Variants in ANK2 observed in about 807,000 individuals in gnomAD.
ANK2 encodes the protein ankyrin 2, also known as ankyrin-2.
A neutral mutation model predicts 360.5 loss-of-function variants in ANK2; 83 were observed. The observed-to-expected ratio is 0.23, with a 90% CI of 0.19 to 0.28. The LOEUF is 0.28. Among genes scored for constraint, ANK2 ranks in the 10% least tolerant of loss-of-function variants. ANK2 has a pLI of 1.00. For synonymous variants in ANK2, 1,740 were observed against 1,759.5 expected (o/e 0.99, Z 0.28); for missense variants, 4,201 against 4,795.7 (o/e 0.88, Z 3.66).
chr4:112,837,345 T>C (rs2149755408), intron 1 of ANK2, among the ~76,000 whole-genome samples: 1 of 152,372 alleles, frequency 6.6e-6, no homozygotes, highest in East Asian at 1.9e-4. Flanking sequence ...TGGAAATGCC[T>C]GGAAGTCCAC....
the ANK2 span, among the ~76,000 whole-genome samples, chr4:112,721,947 C>T: frequency 2.6e-5 from 4 of 152,140 alleles, no homozygotes; most frequent in Non-Finnish European, 4.4e-5. Flanking sequence ...AGGTAATTTG[C>T]ATATCTCACA....
At position 113,382,244 on chromosome 4, in the gene ANK2, A is replaced by T. The variant is rs779062726; in HGVS notation, c.*773A>T. The T allele has an allele frequency of 6.3e-6, 1 of 158,744 alleles. No homozygotes were observed. Among genetic ancestry groups the T allele is most frequent in the Non-Finnish European group, 1.4e-5 (1 of 71,216 alleles). 9.8% of individuals were successfully genotyped at this position (158,744 alleles called of 1,614,324 possible). ...CAGAGTAGCCACTGCTCCCAGTTAA[A>T]GGTGGGTCAGTAGCCTTGCAGAACT... On this transcript the variant is annotated 3_prime_UTR_variant, in exon 46 of 46. Coordinates refer to ENST00000357077, the MANE Select transcript of ANK2 (RefSeq NM_001148.6).
intron 1 of ANK2, among the ~76,000 whole-genome samples, chr4:113,060,980 A>G (rs1254288816): frequency 6.6e-6 from 1 of 152,094 alleles, no homozygotes; most frequent in African/African-American, 2.4e-5. Flanking sequence ...AAAGGTCACT[A>G]ATCTATCATG....
At chr4:113,335,776 G>A (rs2093447676) in intron 29 of ANK2, 70 bp from the exon 30 acceptor site, 2 of 1,465,550 alleles carry the variant, frequency 1.4e-6, no homozygotes, top group African/African-American at 2.8e-5. Context: ...CCGAGCGAAT[G>A]AGTTGGCTAG....
chr4:113,353,156 A>G lies in ANK2; in HGVS notation c.4538A>G (p.Asp1513Gly), dbSNP rs1588889129. 2 of 1,614,090 alleles carry G rather than the reference A, an allele frequency of 1.2e-6. No homozygotes were observed. The highest frequency in any genetic ancestry group is 1.7e-6 in the Non-Finnish European group (2 of 1,179,970). The change falls in exon 38 of 46, where the codon GAT becomes GGT. Residue 1513 changes from aspartate (D) to glycine (G), a missense_variant. This residue lies in a region of ANK2 where 1,268 missense variants were observed against 1,650.8 expected (regional missense o/e 0.77). Transcript: ENST00000357077. ...LLSEVSEMKQ[D>G]LIKMTAILTT... ...TCTGAAGTTTCTGAGATGAAACAAG[A>G]TTTGATCAAAATGACCGCCATCTTG...
chr4:112,935,577 T>C (rs2093655611), intron 2 of ANK2, among the ~76,000 whole-genome samples: 1 of 152,082 alleles, frequency 6.6e-6, no homozygotes, highest in African/African-American at 2.4e-5. Flanking sequence ...CTGTGAAGAA[T>C]ATAAAAATAG....
the ANK2 span, among the ~76,000 whole-genome samples, chr4:112,714,890 A>G: frequency 6.6e-6 from 1 of 152,236 alleles, no homozygotes; most frequent in Non-Finnish European, 1.5e-5. Flanking sequence ...ACTAGCCTGT[A>G]AACCTAGCTT....
the ANK2 span, among the ~76,000 whole-genome samples, chr4:112,712,404 A>T: frequency 0.062 from 3,233 of 52,424 alleles, 142 homozygotes; most frequent in East Asian, 0.16. Context: ...ATATATATAT[A>T]TATTTTTTTT....
At chr4:113,007,310 T>G (rs559175915) in intron 2 of ANK2, among the ~76,000 whole-genome samples, 1 of 152,182 alleles carries the variant, frequency 6.6e-6, no homozygotes, top group Non-Finnish European at 1.5e-5. Context: ...TTCACACATA[T>G]GGCCACAGGC....
the ANK2 span, among the ~76,000 whole-genome samples, chr4:112,713,724 G>A: frequency 1.3e-5 from 2 of 151,762 alleles, no homozygotes; most frequent in East Asian, 1.9e-4. Context: ...GAGGTCAGGA[G>A]ATCGAGACCA....
chr4:112,831,022 C>G (rs1009147230), intron 1 of ANK2, among the ~76,000 whole-genome samples: 1 of 152,214 alleles, frequency 6.6e-6, no homozygotes, highest in African/African-American at 2.4e-5. Flanking sequence ...TGAATTCTCC[C>G]TGGGCCTCAG....
chr4:113,368,387 T>C (rs565590345), intron 42 of ANK2, among the ~76,000 whole-genome samples: 1 of 152,158 alleles, frequency 6.6e-6, no homozygotes, highest in South Asian at 2.1e-4. Context: ...ATCATAAAAA[T>C]ATAAATGCAA....
the ANK2 span, among the ~76,000 whole-genome samples, chr4:112,756,293 G>A: frequency 6.8e-6 from 1 of 147,258 alleles, no homozygotes; most frequent in Admixed American, 6.6e-5. Flanking sequence ...GGCTCTCTCA[G>A]GTTGAGCATT....
intron 1 of ANK2, among the ~76,000 whole-genome samples, chr4:112,852,061 G>A (rs1311092200): frequency 6.6e-6 from 1 of 152,174 alleles, no homozygotes; most frequent in African/African-American, 2.4e-5. Context: ...TTTGCTTTCT[G>A]AAGAAGGTTG....
intron 4 of ANK2, among the ~76,000 whole-genome samples, chr4:113,230,789 T>A (rs1424250395): frequency 1.3e-5 from 2 of 152,192 alleles, no homozygotes. Flanking sequence ...TCAGTGATTT[T>A]AAAAATCTAT....
intron 31 of ANK2, 135 bp downstream of exon 31, chr4:113,336,916 TA>T (rs1378806096): frequency 1.2e-6 from 1 of 867,500 alleles, no homozygotes; most frequent in African/African-American, 1.7e-5. Flanking sequence ...TTTAATTAAC[TA>T]GGGAAATGAA....
chr4:113,229,556 A>C (rs2099267164), intron 4 of ANK2, among the ~76,000 whole-genome samples: 1 of 152,214 alleles, frequency 6.6e-6, no homozygotes. Context: ...GGGGGCCATC[A>C]TTCTGCCTCC....
intron 37 of ANK2, 92 bp from the exon 38 acceptor site, chr4:113,352,952 GA>G: frequency 6.9e-7 from 1 of 1,458,376 alleles, no homozygotes. Flanking sequence ...ACCACCACAG[GA>G]AAAGACGCTG....
rs377643936 is a variant in ANK2, at chr4:113,363,064, T to G, written c.10757-274T>G. On this transcript the variant is annotated intron_variant, in intron 39 of 45. Transcript: ENST00000357077. Reference sequence around the variant, plus strand: ...ATCTCATTTGCATTTTGGAATCAAATGGGCCTGAATTATACATATCTTATC... The same window carrying G: ...ATCTCATTTGCATTTTGGAATCAAAGGGGCCTGAATTATACATATCTTATC... Among the ~76,000 whole-genome samples, 8 of 152,214 alleles carry G rather than the reference T, an allele frequency of 5.3e-5. No homozygotes were observed. The East Asian group carries it at 5.8e-4, about 11-fold the overall frequency.
Sources: allele counts gnomAD v4.1 joint callset (sites outside exome capture counted in the v4.1 genomes callset), GRCh38; gene constraint gnomAD v4.1.1; regional missense constraint gnomAD v4.1.1; transcripts MANE v1.5; gene names NCBI Gene and HGNC (gene_info 2026-07-23, HGNC 2026-07-21).